Variants in IL15 observed in about 807,000 individuals in gnomAD.
IL15 encodes interleukin-15.
Under a neutral mutation model 19.6 loss-of-function variants are expected in IL15, and 11 were observed. The ratio of observed to expected loss-of-function variants is 0.56; its 90% CI spans 0.35 to 0.93. IL15 has a LOEUF of 0.93. IL15 is among the 40% of genes least tolerant of loss of function. IL15 has a pLI of 0.01. For missense variants in IL15, 197 were observed against 186.5 expected (o/e 1.06, Z -0.33); for synonymous variants, 58 against 59.6 (o/e 0.97, Z 0.12).
At chr4:141,716,389 A>T (rs1729884977) in intron 2 of IL15, 1 of 152,196 alleles carries the variant, frequency 6.6e-6, no homozygotes, top group Non-Finnish European at 1.5e-5. Context: ...GTCTTCAGCC[A>T]CCCCAACTAT....
chr4:141,715,856 C>G (rs1729865646), intron 2 of IL15: 1 of 152,160 alleles, frequency 6.6e-6, no homozygotes, highest in African/African-American at 2.4e-5. Context: ...GTTAGATCAT[C>G]TTTCCTCACT....
chr4:141,722,782 G>A (rs1305485805), intron 5 of IL15, among the ~76,000 whole-genome samples: 1 of 152,060 alleles, frequency 6.6e-6, no homozygotes, highest in African/African-American at 2.4e-5. Flanking sequence ...AATTACAAAT[G>A]CCCTTGAAGC....
chr4:141,689,288 C>T (rs530441487), intron 2 of IL15, among the ~76,000 whole-genome samples: 31 of 152,318 alleles, frequency 2.0e-4, no homozygotes, highest in South Asian at 6.2e-4. Context: ...CTTTTATTCT[C>T]TTATCTGGCC....
intron 1 of IL15, among the ~76,000 whole-genome samples, chr4:141,642,191 G>T (rs1727068030): frequency 6.6e-6 from 1 of 152,128 alleles, no homozygotes; most frequent in African/African-American, 2.4e-5. Flanking sequence ...TAAGATTCTG[G>T]ATAGGGAGAG....
intron 5 of IL15, among the ~76,000 whole-genome samples, chr4:141,724,533 T>G (rs1018676365): frequency 6.6e-6 from 1 of 150,684 alleles, no homozygotes; most frequent in African/African-American, 2.4e-5. Flanking sequence ...AACATAAAAC[T>G]GGTTATTTGG....
rs192816094 is a variant in IL15, at chr4:141,690,121, C to A, written c.-99-29245C>A. ...CCCCGGTGCTAAGTCCCTCATTGCC[C>A]GGGGCCAGCACGGCCAGCCGTCTGC... On this transcript the variant is annotated intron_variant, in intron 2 of 7. Coordinates refer to ENST00000320650, the MANE Select transcript of IL15 (RefSeq NM_000585.5). Among the ~76,000 whole-genome samples, 7 of 151,086 alleles carry A rather than the reference C, an allele frequency of 4.6e-5. No individual in the cohort carries two copies. In the East Asian group the frequency reaches 1.4e-3, roughly 31 times the overall value.
rs377693138 is a variant in IL15 at position 141,728,741 on chromosome 4, G to C, written c.240+757G>C. Among the ~76,000 whole-genome samples the C allele has an allele frequency of 2.6e-5, 4 of 152,116 alleles. No homozygotes were observed. The South Asian group carries it at 8.3e-4, about 31-fold the overall frequency. On this transcript the variant is annotated intron_variant, in intron 6 of 7. Coordinates refer to ENST00000320650, the MANE Select transcript of IL15 (RefSeq NM_000585.5). ...CCATAGTCAGAAACTAGAAAAAAGA[G>C]ATATTCACTAACCAATTGGGTCATG...
intron 2 of IL15, among the ~76,000 whole-genome samples, chr4:141,661,455 A>C (rs1727784781): frequency 6.6e-6 from 1 of 152,182 alleles, no homozygotes. Flanking sequence ...GGCAGTATCT[A>C]GTGAGGAAGC....
intron 1 of IL15, among the ~76,000 whole-genome samples, chr4:141,642,573 G>C (rs562989320): frequency 6.6e-6 from 1 of 152,140 alleles, no homozygotes; most frequent in East Asian, 1.9e-4. Context: ...TCCCACTGGG[G>C]ACTAGTGCGA....
Position 141,636,924 on chromosome 4 carries a change from A to C in IL15, c.-222+176A>C, listed in dbSNP as rs952514254. On this transcript the variant is annotated intron_variant, in intron 1 of 7. Transcript: ENST00000320650. The stretch of plus-strand genomic sequence containing the variant: ...TGGGGAAAACTTAGCCGCAACTTCA[A>C]TTTTTGGTTTTTCCTTTAATGACAC... 3 of 152,350 alleles carry C rather than the reference A, an allele frequency of 2.0e-5. No homozygotes were observed. In the East Asian group the frequency reaches 5.8e-4, roughly 29 times the overall value. The allele number at this position is 152,350 out of a possible 1,614,324, so 9.4% of individuals were successfully genotyped here.
At chr4:141,705,356 G>A (rs1321071667) in intron 2 of IL15, among the ~76,000 whole-genome samples, 1 of 151,788 alleles carries the variant, frequency 6.6e-6, no homozygotes. Flanking sequence ...TTAAGAAAAA[G>A]TTGTTTAATT....
At chr4:141,676,373 T>C (rs1728342504) in intron 2 of IL15, among the ~76,000 whole-genome samples, 1 of 152,196 alleles carries the variant, frequency 6.6e-6, no homozygotes, top group Non-Finnish European at 1.5e-5. Context: ...GGAGGTACCT[T>C]GCAAGTAAAA....
intron 2 of IL15, among the ~76,000 whole-genome samples, chr4:141,713,683 T>C (rs1406805338): frequency 6.6e-6 from 1 of 152,216 alleles, no homozygotes; most frequent in Non-Finnish European, 1.5e-5. Context: ...TTCTGCCTTC[T>C]GCCTCAATGC....
At chr4:141,719,547 G>A (rs998561154) in intron 3 of IL15, 71 bp downstream of exon 3, 2 of 1,224,956 alleles carry the variant, frequency 1.6e-6, no homozygotes, top group African/African-American at 1.5e-5. Flanking sequence ...CAGAGTCTTT[G>A]CAATAAGTTA....
intron 2 of IL15, among the ~76,000 whole-genome samples, chr4:141,708,139 T>C (rs180913658): frequency 1.3e-5 from 2 of 152,286 alleles, no homozygotes; most frequent in Admixed American, 1.3e-4. Flanking sequence ...TTGCTGGCTG[T>C]GAAGCACAGG....
chr4:141,727,804 A>G (rs1730317957), intron 5 of IL15, 136 bp from the exon 6 acceptor site: 2 of 607,552 alleles, frequency 3.3e-6, no homozygotes, highest in Admixed American at 3.4e-5. Context: ...ATTTACTCTT[A>G]CAGTTTCATA....
chr4:141,700,985 A>T (rs1729278334), intron 2 of IL15, among the ~76,000 whole-genome samples: 1 of 152,004 alleles, frequency 6.6e-6, no homozygotes, highest in Admixed American at 6.6e-5. Flanking sequence ...TTTTTTAATG[A>T]TATCTATTTC....
chr4:141,711,465 A>T (rs1377562001), intron 2 of IL15, among the ~76,000 whole-genome samples: 2 of 152,114 alleles, frequency 1.3e-5, no homozygotes. Flanking sequence ...TTGTGAGAAT[A>T]AGGACAATCT....
chr4:141,654,146 A>G (rs1727506129), intron 1 of IL15, among the ~76,000 whole-genome samples: 1 of 152,194 alleles, frequency 6.6e-6, no homozygotes, highest in African/African-American at 2.4e-5. Flanking sequence ...GGGCAGATCA[A>G]AACAGGGTGG....
Sources: allele counts gnomAD v4.1 joint callset (sites outside exome capture counted in the v4.1 genomes callset), GRCh38; gene constraint gnomAD v4.1.1; transcripts MANE v1.5; gene names NCBI Gene and HGNC (gene_info 2026-07-23, HGNC 2026-07-21).